Variants in USO1 observed in about 807,000 individuals in gnomAD.
USO1 encodes USO1 vesicle transport factor, also known as general vesicular transport factor p115.
In USO1, 57 loss-of-function variants were observed where a neutral mutation model predicts 124.5. That is an observed-to-expected ratio of 0.46 (90% CI 0.37 to 0.57). USO1 has a LOEUF of 0.57. Ranked by LOEUF, USO1 falls within the 20% of genes least tolerant of loss-of-function variation. USO1 has a pLI of 0.00. For missense variants in USO1, 900 were observed against 1,040.6 expected (o/e 0.86, Z 1.86); for synonymous variants, 369 against 362.8 (o/e 1.02, Z -0.19).
rs1198818052 is a variant in USO1 at position 75,740,030 on chromosome 4, G to A, written c.67-12343G>A. On this transcript the variant is annotated intron_variant, in intron 1 of 23. Transcript: ENST00000514213. ...GAGATCAATATTAATGGTCAAGGATGTATATTAAATAAGATGTCTTTGGCC... is the reference window on the plus strand; with the variant it reads ...GAGATCAATATTAATGGTCAAGGATATATATTAAATAAGATGTCTTTGGCC... 2.0e-5 allele frequency among the ~76,000 whole-genome samples: 3 copies of A among 152,098 alleles called. No homozygotes were observed. The East Asian group carries it at 5.8e-4, about 29-fold the overall frequency.
chr4:75,790,388 T>C, intron 11 of USO1, 150 bp downstream of exon 11: 5 of 1,243,250 alleles, frequency 4.0e-6, no homozygotes, highest in Non-Finnish European at 5.4e-6. Flanking sequence ...GATATTGATA[T>C]TTTAAAAGAG....
chr4:75,744,893 G>A, intron 1 of USO1: 1 of 507,876 alleles, frequency 2.0e-6, no homozygotes, highest in South Asian at 1.4e-5. Context: ...ACTTGTGATG[G>A]TACATGTGCA....
At chr4:75,797,474 C>CTT (rs202139063) in intron 13 of USO1, among the ~76,000 whole-genome samples, 34,196 of 143,916 alleles carry the variant, frequency 0.24, 4,564 homozygotes, top group African/African-American at 0.35. Flanking sequence ...CCATTATTCT[C>CTT]TCTTTTTTCT....
Position 75,810,423 on chromosome 4 carries a change from TAA to T in USO1, c.2476-8_2476-7del. Reference sequence around the variant, plus strand: ...AAGAGACATCTTTTTTTCCAATTTCTAATTTCAGGCAAAATCAGTTGAGGTAC... The same window carrying T: ...AAGAGACATCTTTTTTTCCAATTTCTTTTCAGGCAAAATCAGTTGAGGTAC... On this transcript the variant is annotated splice_region_variant and splice_polypyrimidine_tract_variant and intron_variant, in intron 21 of 23. Transcript: ENST00000514213. The T allele has an allele frequency of 6.3e-7, 1 of 1,599,554 alleles. No individual in the cohort carries two copies.
chr4:75,759,246 C>CTTTTTTTTTTTTT lies in USO1; in HGVS notation c.295+1679_295+1691dup, dbSNP rs71208100. Among the ~76,000 whole-genome samples, 104 of 69,122 alleles carry CTTTTTTTTTTTTT rather than the reference C, an allele frequency of 1.5e-3. 13 individuals are homozygous for CTTTTTTTTTTTTT. Among genetic ancestry groups the CTTTTTTTTTTTTT allele is most frequent in the African/African-American group, 4.6e-3 (71 of 15,526 alleles). The allele number at this position is 69,122 out of a possible 152,430, so 45.3% of individuals were successfully genotyped here. On this transcript the variant is annotated intron_variant, in intron 4 of 23. Coordinates refer to ENST00000514213, the MANE Select transcript of USO1 (RefSeq NM_003715.4). ...TAATAGAATCACTTTTATTAAGGAC[C>CTTTTTTTTTTTTT]TTTTTTTTTTTTTTTTTTCTGAAAA...
At position 75,739,309 on chromosome 4, in the gene USO1, CCTA is replaced by C. The variant is rs551699190; in HGVS notation, c.67-13061_67-13059del. Among the ~76,000 whole-genome samples, 694 of 152,184 alleles carry C rather than the reference CCTA, an allele frequency of 4.6e-3. 2 individuals are homozygous for C. The highest frequency in any genetic ancestry group is 6.8e-3 in the Middle Eastern group (2 of 294). On this transcript the variant is annotated intron_variant, in intron 1 of 23. Transcript: ENST00000514213. ...TGTCAATTTCTTACTTGCAAATTCA[CCTA>C]CTCACTAAAATATATTTGTATCGCA...
At chr4:75,756,743 C>T (rs1337421922) in intron 3 of USO1, among the ~76,000 whole-genome samples, 2 of 151,876 alleles carry the variant, frequency 1.3e-5, no homozygotes, top group Non-Finnish European at 2.9e-5. Flanking sequence ...GAACTCCCAA[C>T]TTCAGGTGAT....
chr4:75,783,247 T>A (rs1290973020), intron 9 of USO1, among the ~76,000 whole-genome samples: 1 of 152,214 alleles, frequency 6.6e-6, no homozygotes, highest in Non-Finnish European at 1.5e-5. Context: ...ACTATTAAGT[T>A]CAAATAAATT....
chr4:75,776,276 C>T (rs1169499034), intron 8 of USO1, among the ~76,000 whole-genome samples: 1 of 152,162 alleles, frequency 6.6e-6, no homozygotes, highest in Non-Finnish European at 1.5e-5. Context: ...ACATGAATTA[C>T]TTTCACTTGA....
At chr4:75,795,885 C>T (rs1269264552) in intron 13 of USO1, among the ~76,000 whole-genome samples, 1 of 150,978 alleles carries the variant, frequency 6.6e-6, no homozygotes, top group East Asian at 2.0e-4. Context: ...ACTGAGGATT[C>T]GTTTTTGTTG....
intron 1 of USO1, among the ~76,000 whole-genome samples, chr4:75,740,705 G>A (rs1720934606): frequency 6.6e-6 from 1 of 152,120 alleles, no homozygotes; most frequent in South Asian, 2.1e-4. Context: ...CAATCAGGTG[G>A]TATTTTAGAG....
chr4:75,774,812 A>G lies in USO1; in HGVS notation c.676+16A>G. On this transcript the variant is annotated intron_variant, in intron 8 of 23. Coordinates refer to ENST00000514213, the MANE Select transcript of USO1 (RefSeq NM_003715.4). ...AGTGATGGAGGTATAGTATGAAGAAATTATTTGAAGACATTCCTTTTGTAC... is the reference window on the plus strand; with the variant it reads ...AGTGATGGAGGTATAGTATGAAGAAGTTATTTGAAGACATTCCTTTTGTAC... The G allele has an allele frequency of 6.2e-7, 1 of 1,610,660 alleles. No homozygotes were observed. The highest frequency in any genetic ancestry group is 2.2e-5 in the East Asian group (1 of 44,782).
In USO1 at chr4:75,810,548, T is replaced by C. The variant is rs1304926576; in HGVS notation, c.2583+9T>C. The C allele has an allele frequency of 6.3e-7, 1 of 1,594,978 alleles. No individual in the cohort carries two copies. The highest frequency in any genetic ancestry group is 1.4e-5 in the African/African-American group (1 of 74,030). ...AGACCAAAGAGTTAAAGGTTTGTTT[T>C]TGGTGCAACTTTTATTTACTGCATA... On this transcript the variant is annotated intron_variant, in intron 22 of 23. Transcript: ENST00000514213.
chr4:75,765,384 A>T (rs7691586), intron 4 of USO1, among the ~76,000 whole-genome samples: 2,238 of 152,288 alleles, frequency 0.015, 54 homozygotes, highest in African/African-American at 0.051. Flanking sequence ...GGGTGGCTTA[A>T]AAAACAAGGT....
chr4:75,808,830 C>G (rs1274006291), intron 20 of USO1, 123 bp from the exon 21 acceptor site: 10 of 1,136,564 alleles, frequency 8.8e-6, no homozygotes, highest in Non-Finnish European at 1.1e-5. Context: ...AAGAATAGTT[C>G]TTTAGAGTTA....
In USO1 at chr4:75,805,271, C is replaced by G. The variant is rs1722962056; in HGVS notation, c.2257C>G (p.Leu753Val). 1 of 1,609,782 alleles carries G rather than the reference C, an allele frequency of 6.2e-7. No homozygotes were observed. The change falls in exon 19 of 24, where the codon CTG becomes GTG. Residue 753 changes from leucine to valine, a missense_variant. Coordinates refer to ENST00000514213, the MANE Select transcript of USO1 (RefSeq NM_003715.4). ...TAATCAGGAACTTTTACAAAGCCAG[C>G]TGACTGAAAAGGACTCTATGATTGA... is the stretch of plus-strand genomic sequence containing the variant. ...KRNQELLQSQ[L>V]TEKDSMIENM...
At chr4:75,760,249 C>T (rs968185752) in intron 4 of USO1, among the ~76,000 whole-genome samples, 3 of 152,102 alleles carry the variant, frequency 2.0e-5, no homozygotes, top group African/African-American at 7.2e-5. Context: ...TAAAAATAGA[C>T]ATTGAGACAT....
At chr4:75,781,135 T>C (rs1400773796) in intron 8 of USO1, among the ~76,000 whole-genome samples, 1 of 152,012 alleles carries the variant, frequency 6.6e-6, no homozygotes, top group Non-Finnish European at 1.5e-5. Context: ...TACAGGAGTT[T>C]GGAAGAAGTT....
chr4:75,790,502 T>A (rs1190661052), intron 11 of USO1, 141 bp from the exon 12 acceptor site: 2 of 1,340,900 alleles, frequency 1.5e-6, no homozygotes, highest in African/African-American at 2.9e-5. Context: ...TCAGTTACAG[T>A]TTTCTGTGAA....
Sources: gnomAD v4.1 joint callset for allele counts (sites outside exome capture counted in the v4.1 genomes callset) on GRCh38, gnomAD v4.1.1 for gene constraint, MANE v1.5 for transcripts, NCBI Gene and HGNC (gene_info 2026-07-23, HGNC 2026-07-21) for gene names.